TMEM178B: variants seen among roughly 807,000 people sequenced by gnomAD.
TMEM178B encodes the protein transmembrane protein 178B.
A neutral mutation model predicts 31.0 loss-of-function variants in TMEM178B; 5 were observed. The observed-to-expected ratio is 0.16, with a 90% CI of 0.08 to 0.34. The LOEUF (loss-of-function observed/expected upper bound fraction) is 0.34, where lower values mean the gene tolerates loss of function less well. Ranked by LOEUF, TMEM178B falls within the 10% of genes least tolerant of loss-of-function variation. The pLI, the probability that TMEM178B is intolerant of heterozygous loss-of-function variation, is 1.00. For missense variants in TMEM178B, 275 were observed against 400.3 expected (o/e 0.69, Z 2.67); for synonymous variants, 164 against 164.0 (o/e 1.00, Z 0.00).
intron 2 of TMEM178B, among the ~76,000 whole-genome samples, chr7:141,375,579 A>G: frequency 6.6e-6 from 1 of 152,186 alleles, no homozygotes; most frequent in East Asian, 1.9e-4. Context: ...TCCAGGGGAA[A>G]GTATTTGACT....
intron 2 of TMEM178B, among the ~76,000 whole-genome samples, chr7:141,419,625 G>C (rs1389173084): frequency 1.3e-5 from 2 of 152,170 alleles, no homozygotes; most frequent in African/African-American, 4.8e-5. Context: ...TCCTTCAGTG[G>C]CTTGCCATGG....
At chr7:141,379,938 C>T (rs1378202455) in intron 2 of TMEM178B, among the ~76,000 whole-genome samples, 1 of 152,144 alleles carries the variant, frequency 6.6e-6, no homozygotes, top group East Asian at 1.9e-4. Flanking sequence ...ATCCTTTTAC[C>T]TTTAGAGGCT....
chr7:141,185,533 C>A, intron 1 of TMEM178B, among the ~76,000 whole-genome samples: 1 of 152,144 alleles, frequency 6.6e-6, no homozygotes, highest in East Asian at 1.9e-4. Flanking sequence ...ATGCCCTCAA[C>A]GCGCAGCCGC....
the TMEM178B span, among the ~76,000 whole-genome samples, chr7:141,501,651 T>C: frequency 6.6e-6 from 1 of 152,202 alleles, no homozygotes; most frequent in South Asian, 2.1e-4. Context: ...ATTTAATCAG[T>C]TGAAGAAATG....
chr7:141,459,035 T>A (rs1168088106), intron 3 of TMEM178B, among the ~76,000 whole-genome samples: 1 of 152,228 alleles, frequency 6.6e-6, no homozygotes, highest in Non-Finnish European at 1.5e-5. Context: ...TTTGTTTGTT[T>A]GTTTGTTTTT....
At chr7:141,279,552 T>C (rs1798320041) in intron 2 of TMEM178B, among the ~76,000 whole-genome samples, 1 of 152,104 alleles carries the variant, frequency 6.6e-6, no homozygotes, top group Non-Finnish European at 1.5e-5. Flanking sequence ...CTGTGACAAG[T>C]TGTAGAAGGG....
chr7:141,121,207 A>G (rs1795401897), intron 1 of TMEM178B, among the ~76,000 whole-genome samples: 1 of 152,124 alleles, frequency 6.6e-6, no homozygotes, highest in Non-Finnish European at 1.5e-5. Context: ...TTGTATTATG[A>G]TGATGTTTAA....
chr7:141,215,402 T>G (rs1797116730), intron 2 of TMEM178B, among the ~76,000 whole-genome samples: 1 of 151,558 alleles, frequency 6.6e-6, no homozygotes, highest in Non-Finnish European at 1.5e-5. Context: ...CTTGGCTCAC[T>G]GAAACCTCTG....
At chr7:141,380,809 G>C (rs1319300732) in intron 2 of TMEM178B, among the ~76,000 whole-genome samples, 1 of 152,112 alleles carries the variant, frequency 6.6e-6, no homozygotes, top group African/African-American at 2.4e-5. Flanking sequence ...ATCATGGCAT[G>C]GATGTGAAGT....
chr7:141,394,407 G>A (rs1800600448), intron 2 of TMEM178B, among the ~76,000 whole-genome samples: 1 of 152,218 alleles, frequency 6.6e-6, no homozygotes, highest in South Asian at 2.1e-4. Flanking sequence ...GCTTGGGAGT[G>A]GAATCTGGGT....
chr7:141,298,639 G>C (rs1798674572), intron 2 of TMEM178B, among the ~76,000 whole-genome samples: 1 of 152,214 alleles, frequency 6.6e-6, no homozygotes, highest in African/African-American at 2.4e-5. Context: ...GATCAGAGTA[G>C]AGATTGGCCT....
At chr7:141,238,914 C>T (rs1468517417) in intron 2 of TMEM178B, among the ~76,000 whole-genome samples, 1 of 152,246 alleles carries the variant, frequency 6.6e-6, no homozygotes. Flanking sequence ...AGGGCTCTAA[C>T]TAGGTGAGAT....
At chr7:141,261,416 C>A (rs73167491) in intron 2 of TMEM178B, among the ~76,000 whole-genome samples, 7,274 of 151,936 alleles carry the variant, frequency 0.048, 290 homozygotes, top group East Asian at 0.12. Context: ...AAGTTAGAAC[C>A]TTTGTCTGCA....
intron 1 of TMEM178B, among the ~76,000 whole-genome samples, chr7:141,140,422 A>G (rs529017059): frequency 6.6e-6 from 1 of 152,318 alleles, no homozygotes; most frequent in East Asian, 1.9e-4. Flanking sequence ...ACAGTTTTGT[A>G]TTTACAGAAA....
At chr7:141,094,020 G>A (rs1171951173) in intron 1 of TMEM178B, among the ~76,000 whole-genome samples, 3 of 152,158 alleles carry the variant, frequency 2.0e-5, no homozygotes, top group Non-Finnish European at 2.9e-5. Context: ...AGAGACTTAA[G>A]TTTTTCTTTT....
intron 1 of TMEM178B, among the ~76,000 whole-genome samples, chr7:141,173,978 C>T (rs1796386586): frequency 1.3e-5 from 2 of 152,184 alleles, no homozygotes; most frequent in Non-Finnish European, 2.9e-5. Flanking sequence ...AAAAATTATA[C>T]TGTAAGTTCT....
At chr7:141,216,479 G>GTA (rs1797153908) in intron 2 of TMEM178B, among the ~76,000 whole-genome samples, 1 of 142,696 alleles carries the variant, frequency 7.0e-6, no homozygotes, top group Non-Finnish European at 1.6e-5. Flanking sequence ...GTGTGTGGGT[G>GTA]TGTGGTGGGG....
chr7:141,244,976 A>G (rs1259528752), intron 2 of TMEM178B, among the ~76,000 whole-genome samples: 1 of 151,632 alleles, frequency 6.6e-6, no homozygotes, highest in East Asian at 1.9e-4. Context: ...CATCTCTACT[A>G]AAAATACAAA....
chr7:141,142,761 T>C (rs530637751), intron 1 of TMEM178B, among the ~76,000 whole-genome samples: 1 of 152,360 alleles, frequency 6.6e-6, no homozygotes, highest in East Asian at 1.9e-4. Context: ...CTAGGTCAAA[T>C]GGTAGCTCTC....
Sources: allele counts gnomAD v4.1 joint callset (sites outside exome capture counted in the v4.1 genomes callset), GRCh38; gene constraint gnomAD v4.1.1; transcripts MANE v1.5; gene names NCBI Gene and HGNC (gene_info 2026-07-23, HGNC 2026-07-21).